ZNF407: variants seen among roughly 807,000 people sequenced by gnomAD.
ZNF407 encodes the protein zinc finger protein 407.
Under a neutral mutation model 131.2 loss-of-function variants are expected in ZNF407, and 17 were observed. The observed-to-expected ratio is 0.13, with a 90% CI of 0.09 to 0.19. ZNF407 has a LOEUF of 0.19. Ranked by LOEUF, ZNF407 falls within the 10% of genes least tolerant of loss-of-function variation. The pLI is 1.00. For missense variants in ZNF407, 2,681 were observed against 2,830.6 expected (o/e 0.95, Z 1.20); for synonymous variants, 1,156 against 1,062.0 (o/e 1.09, Z -1.72).
rs2144669566 is a variant in ZNF407, at chr18:74,633,553, A to G, written c.2534A>G (p.Lys845Arg). Residue 845 changes from lysine (K) to arginine (R), a missense_variant, in exon 2 of 9, where the codon AAA becomes AGA. Around this residue, in one of 6 missense-constraint regions of ZNF407, gnomAD observed 1,789 missense variants for 1,748.7 expected, o/e 1.02. Coordinates refer to ENST00000299687, the MANE Select transcript of ZNF407 (RefSeq NM_017757.3). ...ACTACTCCAAAGAGAGGGAGACCTA[A>G]AGGTAACATCTCACGGACGTGTTCA... ...STTTPKRGRP[K>R]GNISRTCSHC... 2.5e-6 allele frequency: 4 copies of G among 1,614,032 alleles called. No homozygotes were observed. The highest frequency in any genetic ancestry group is 1.1e-5 in the South Asian group (1 of 91,084).
intron 3 of ZNF407, among the ~76,000 whole-genome samples, chr18:74,667,778 T>C (rs141592504): frequency 6.8e-4 from 103 of 152,328 alleles, no homozygotes; most frequent in African/African-American, 2.4e-3. Flanking sequence ...CAGGCTTCCA[T>C]ATAGTTACAA....
chr18:74,861,012 A>G (rs1970930425), intron 4 of ZNF407, among the ~76,000 whole-genome samples: 1 of 152,176 alleles, frequency 6.6e-6, no homozygotes, highest in Admixed American at 6.5e-5. Context: ...GAGCCTTAAA[A>G]ATGTACCTTG....
At chr18:74,828,661 T>C (rs1970442041) in intron 4 of ZNF407, among the ~76,000 whole-genome samples, 1 of 152,244 alleles carries the variant, frequency 6.6e-6, no homozygotes, top group African/African-American at 2.4e-5. Flanking sequence ...GATTCTACGC[T>C]GTTCCTGGTG....
intron 8 of ZNF407, among the ~76,000 whole-genome samples, chr18:74,997,804 C>T (rs1192207356): frequency 2.6e-5 from 4 of 152,192 alleles, no homozygotes; most frequent in Admixed American, 1.3e-4. Flanking sequence ...TTTACTTCTA[C>T]CTCTGCTTAC....
At chr18:74,868,468 G>A (rs565792263) in intron 4 of ZNF407, among the ~76,000 whole-genome samples, 33 of 152,262 alleles carry the variant, frequency 2.2e-4, no homozygotes, top group Middle Eastern at 3.4e-3. Context: ...GAAAAAGAAC[G>A]AAAAACAAAG....
chr18:74,723,602 CAG>C (rs1237664927), intron 3 of ZNF407, among the ~76,000 whole-genome samples: 1 of 152,154 alleles, frequency 6.6e-6, no homozygotes, highest in Admixed American at 6.5e-5. Context: ...TTCCCAGAAT[CAG>C]GGCTCCTTTG....
chr18:74,690,118 C>T (rs1294568173), intron 3 of ZNF407, among the ~76,000 whole-genome samples: 1 of 152,140 alleles, frequency 6.6e-6, no homozygotes, highest in Non-Finnish European at 1.5e-5. Flanking sequence ...AACAGAGATA[C>T]AGATTCATTA....
chr18:74,818,564 C>T (rs1248513153), intron 4 of ZNF407, among the ~76,000 whole-genome samples: 1 of 152,168 alleles, frequency 6.6e-6, no homozygotes, highest in African/African-American at 2.4e-5. Context: ...TGTTCACTGT[C>T]CTTCTTTTGA....
chr18:74,727,387 G>C (rs1045704271), intron 3 of ZNF407, among the ~76,000 whole-genome samples: 2 of 152,156 alleles, frequency 1.3e-5, no homozygotes, highest in Non-Finnish European at 2.9e-5. Flanking sequence ...CACTCATCCA[G>C]GTCCCTCATC....
Position 74,845,874 on chromosome 18 carries a change from TA to T in ZNF407, c.4878-31322del, listed in dbSNP as rs1270678445. Among the ~76,000 whole-genome samples the T allele has an allele frequency of 2.6e-5, 4 of 152,318 alleles. No homozygotes were observed. In the East Asian group the frequency reaches 7.7e-4, roughly 29 times the overall value. ...GAAATTAGTTTTAAAATGGTTGGGC[TA>T]CCAACTGATTATGTAAGTTAGTTGT... is the stretch of plus-strand genomic sequence containing the variant. On this transcript the variant is annotated intron_variant, in intron 4 of 8. Coordinates refer to ENST00000299687, the MANE Select transcript of ZNF407 (RefSeq NM_017757.3).
At position 74,785,878 on chromosome 18, in the gene ZNF407, T is replaced by C. The variant is rs1221897430; in HGVS notation, c.4877+4376T>C. Among the ~76,000 whole-genome samples the C allele has an allele frequency of 6.9e-4, 15 of 21,822 alleles. No homozygotes were observed. The Admixed American group carries it at 9.9e-3, about 14-fold the overall frequency. 14.3% of individuals were successfully genotyped at this position (21,822 alleles called of 152,430 possible). ...CCACATGGCACACACGTCACTCACATGGCACGCACATGGCACTCACATGGG... is the reference window on the plus strand; with the variant it reads ...CCACATGGCACACACGTCACTCACACGGCACGCACATGGCACTCACATGGG... On this transcript the variant is annotated intron_variant, in intron 4 of 8. Transcript: ENST00000299687.
intron 8 of ZNF407, among the ~76,000 whole-genome samples, chr18:74,961,152 T>G (rs918473305): frequency 3.9e-5 from 6 of 152,208 alleles, no homozygotes; most frequent in Non-Finnish European, 8.8e-5. Context: ...GTTTATAGCC[T>G]CTTTTTGTAG....
intron 8 of ZNF407, among the ~76,000 whole-genome samples, chr18:74,995,629 G>A (rs577742044): frequency 6.6e-6 from 1 of 152,226 alleles, no homozygotes; most frequent in East Asian, 1.9e-4. Flanking sequence ...TATCAATGAA[G>A]TCTTAATCTT....
At chr18:74,694,125 T>C (rs1353111300) in intron 3 of ZNF407, among the ~76,000 whole-genome samples, 2 of 152,206 alleles carry the variant, frequency 1.3e-5, no homozygotes, top group African/African-American at 4.8e-5. Flanking sequence ...TGTTCTGTGG[T>C]TCATTTTGTT....
chr18:74,864,170 T>C (rs369707084), intron 4 of ZNF407, among the ~76,000 whole-genome samples: 7 of 152,182 alleles, frequency 4.6e-5, no homozygotes, highest in Admixed American at 1.3e-4. Context: ...AAGATTACTC[T>C]TTGATTACTC....
At position 74,981,706 on chromosome 18, in the gene ZNF407, A is replaced by G. The variant is rs556639481; in HGVS notation, c.5428+61014A>G. The stretch of plus-strand genomic sequence containing the variant: ...GGACGCGGCGTGGACCAGCCAAGCC[A>G]CACACATGGAGACCCAAGCGTTGAT... On this transcript the variant is annotated intron_variant, in intron 8 of 8. Coordinates refer to ENST00000299687, the MANE Select transcript of ZNF407 (RefSeq NM_017757.3). Among the ~76,000 whole-genome samples, 18 of 152,344 alleles carry G rather than the reference A, an allele frequency of 1.2e-4. No individual in the cohort carries two copies. In the South Asian group the frequency reaches 3.5e-3, roughly 30 times the overall value.
At chr18:75,051,730 A>G (rs543222858) in intron 8 of ZNF407, among the ~76,000 whole-genome samples, 1 of 152,328 alleles carries the variant, frequency 6.6e-6, no homozygotes, top group African/African-American at 2.4e-5. Flanking sequence ...GTGTTGCTCA[A>G]ACATTGTGTG....
At chr18:74,902,152 A>C (rs1253534941) in intron 7 of ZNF407, among the ~76,000 whole-genome samples, 1 of 152,204 alleles carries the variant, frequency 6.6e-6, no homozygotes, top group East Asian at 1.9e-4. Context: ...TTCATCTATC[A>C]TGGACGATAC....
chr18:74,746,976 C>T (rs12326602), intron 3 of ZNF407, among the ~76,000 whole-genome samples: 4 of 152,074 alleles, frequency 2.6e-5, no homozygotes, highest in Non-Finnish European at 5.9e-5. Flanking sequence ...TCACCACAAA[C>T]GAATAATGCA....
Sources: allele counts gnomAD v4.1 joint callset (sites outside exome capture counted in the v4.1 genomes callset), GRCh38; gene constraint gnomAD v4.1.1; regional missense constraint gnomAD v4.1.1; transcripts MANE v1.5; gene names NCBI Gene and HGNC (gene_info 2026-07-23, HGNC 2026-07-21).